The following ARHGEF7 variants were observed in gnomAD, a reference collection of about 807,000 sequenced individuals.
ARHGEF7 encodes the protein Rho guanine nucleotide exchange factor 7.
A neutral mutation model predicts 109.8 loss-of-function variants in ARHGEF7; 33 were observed. The observed-to-expected ratio is 0.30, with a 90% confidence interval of 0.23 to 0.40. ARHGEF7 has a LOEUF of 0.40. Ranked by LOEUF, ARHGEF7 falls within the 10% of genes least tolerant of loss-of-function variation. The pLI is 1.00. For missense variants in ARHGEF7, 938 were observed against 1,098.5 expected, an observed-to-expected ratio of 0.85 and a Z score of 2.07; for synonymous variants, 458 against 424.6, an observed-to-expected ratio of 1.08 and a Z score of -0.97.
At chr13:111,213,330 C>A (rs936257756) in intron 4 of ARHGEF7, among the ~76,000 whole-genome samples, 1 of 152,190 alleles carries the variant, frequency 6.6e-6, no homozygotes, top group Non-Finnish European at 1.5e-5. Flanking sequence ...ACTGTCTTCA[C>A]TCCCCTCCAG....
In ARHGEF7 at chr13:111,228,544, T is replaced by C. The variant is rs183566123; in HGVS notation, c.671-4661T>C. Among the ~76,000 whole-genome samples the C allele has an allele frequency of 1.3e-5, 2 of 152,266 alleles. No homozygotes were observed. Among genetic ancestry groups the C allele is most frequent in the Admixed American group, 1.3e-4 (2 of 15,298 alleles). On this transcript the variant is annotated intron_variant, in intron 5 of 21. Transcript: ENST00000646102. This position sits in a 1 kb window ranked among gnomAD's most constrained non-coding sequence, Gnocchi z 4.6. ...TCTATACGTGGTCATTCTCTGTATG[T>C]TTATGTATATTTTTAAGTTTCTAAA...
At chr13:111,298,421 A>G (rs2093473410) in intron 19 of ARHGEF7, among the ~76,000 whole-genome samples, 1 of 152,104 alleles carries the variant, frequency 6.6e-6, no homozygotes, top group Non-Finnish European at 1.5e-5. Flanking sequence ...GTGTCTCAGC[A>G]GCATTACCCG....
chr13:111,130,654 G>C (rs573659424), intron 1 of ARHGEF7, among the ~76,000 whole-genome samples: 8 of 152,236 alleles, frequency 5.3e-5, no homozygotes, highest in African/African-American at 1.7e-4. Context: ...ACTATTTAGT[G>C]GGGGAGAATA....
At chr13:111,206,283 G>T (rs891868464) in intron 3 of ARHGEF7, among the ~76,000 whole-genome samples, 31 of 151,938 alleles carry the variant, frequency 2.0e-4, no homozygotes, top group African/African-American at 6.5e-4. Context: ...CGGGGGTTAT[G>T]CATGCTTTGG....
chr13:111,200,409 A>T (rs1210465279), intron 2 of ARHGEF7, among the ~76,000 whole-genome samples: 1 of 150,914 alleles, frequency 6.6e-6, no homozygotes, highest in East Asian at 1.9e-4. Flanking sequence ...TTTTCTGTTC[A>T]GCCAGCTCTC....
intron 8 of ARHGEF7, among the ~76,000 whole-genome samples, chr13:111,263,599 C>G (rs772047144): frequency 6.6e-6 from 1 of 152,224 alleles, no homozygotes; most frequent in African/African-American, 2.4e-5. Context: ...CAATAACTTT[C>G]CTGTGCCACA....
rs1395023552 is a variant in ARHGEF7 at position 111,295,276 on chromosome 13, C to T, written c.2311+2982C>T. Reference sequence around the variant, plus strand: ...ATATAATTTGGCTCTTCTACCTGAACGGAACATCTTCCAAAGGCAGGCAGG... The same window carrying T: ...ATATAATTTGGCTCTTCTACCTGAATGGAACATCTTCCAAAGGCAGGCAGG... On this transcript the variant is annotated intron_variant, in intron 19 of 21. Coordinates refer to ENST00000646102, the MANE Select transcript of ARHGEF7 (RefSeq NM_001354046.2). 8 of 867,430 alleles carry T rather than the reference C, an allele frequency of 9.2e-6. No homozygotes were observed. The Admixed American group carries it at 1.9e-4, about 20-fold the overall frequency. 53.7% of individuals were successfully genotyped at this position (867,430 alleles called of 1,614,324 possible).
chr13:111,233,948 T>C (rs1431526153), intron 6 of ARHGEF7, among the ~76,000 whole-genome samples: 5 of 152,246 alleles, frequency 3.3e-5, no homozygotes, highest in Non-Finnish European at 7.3e-5. Context: ...AGCAATTGCA[T>C]GTTCTATAGA....
At chr13:111,283,664 C>T (rs994581556) in intron 16 of ARHGEF7, among the ~76,000 whole-genome samples, 1 of 152,214 alleles carries the variant, frequency 6.6e-6, no homozygotes, top group Non-Finnish European at 1.5e-5. Flanking sequence ...GCGCTGAGCC[C>T]AGGTGGCTTT....
chr13:111,246,785 A>G (rs1431474463), intron 8 of ARHGEF7, among the ~76,000 whole-genome samples: 4 of 152,218 alleles, frequency 2.6e-5, no homozygotes, highest in Non-Finnish European at 5.9e-5. Context: ...ATGGAAGTAA[A>G]TGCTTGCCTC....
intron 1 of ARHGEF7, among the ~76,000 whole-genome samples, chr13:111,134,730 C>T (rs1050211567): frequency 6.6e-6 from 1 of 152,012 alleles, no homozygotes; most frequent in Non-Finnish European, 1.5e-5. Context: ...AAATTTTCTT[C>T]CATTCTGTAG....
chr13:111,128,933 A>G (rs983896797), intron 1 of ARHGEF7, among the ~76,000 whole-genome samples: 3 of 152,246 alleles, frequency 2.0e-5, no homozygotes, highest in East Asian at 1.9e-4. Flanking sequence ...TTGAAATGGA[A>G]GAAGAGAGTT....
chr13:111,234,063 G>C (rs2086459891), intron 6 of ARHGEF7, among the ~76,000 whole-genome samples: 1 of 152,102 alleles, frequency 6.6e-6, no homozygotes, highest in Admixed American at 6.5e-5. Context: ...GAATTCTGGG[G>C]AAAATGCGCA....
chr13:111,181,325 G>A (rs1016094828), intron 2 of ARHGEF7, among the ~76,000 whole-genome samples: 1 of 152,134 alleles, frequency 6.6e-6, no homozygotes, highest in Non-Finnish European at 1.5e-5. Flanking sequence ...TCCCTTTGCT[G>A]AGAGAAGACC....
intron 2 of ARHGEF7, among the ~76,000 whole-genome samples, chr13:111,183,902 G>T (rs1224878099): frequency 1.3e-5 from 2 of 152,182 alleles, no homozygotes; most frequent in Admixed American, 6.5e-5. Flanking sequence ...CAGGACTTGT[G>T]GGGAAGGGTT....
intron 5 of ARHGEF7, among the ~76,000 whole-genome samples, chr13:111,230,113 C>A (rs1271312578): frequency 1.3e-5 from 2 of 152,108 alleles, no homozygotes; most frequent in Non-Finnish European, 2.9e-5. Flanking sequence ...GTCATCCCCT[C>A]TTTTTCTTTT....
At position 111,278,787 on chromosome 13, in the gene ARHGEF7, T is replaced by C. The variant is rs73622170; in HGVS notation, c.1506+1114T>C. Among the ~76,000 whole-genome samples the C allele has an allele frequency of 9.2e-3, 1,402 of 152,310 alleles. 20 individuals carry two copies. The highest frequency in any genetic ancestry group is 0.032 in the African/African-American group (1,341 of 41,568). ...GGCTTCCGATTTTATATCCCCAGAATCTCATTCCAGTGGCTGGAGGCAGGG... is the reference window on the plus strand; with the variant it reads ...GGCTTCCGATTTTATATCCCCAGAACCTCATTCCAGTGGCTGGAGGCAGGG... On this transcript the variant is annotated intron_variant, in intron 13 of 21. Coordinates refer to ENST00000646102, the MANE Select transcript of ARHGEF7 (RefSeq NM_001354046.2).
intron 2 of ARHGEF7, among the ~76,000 whole-genome samples, chr13:111,158,743 T>C (rs1443304942): frequency 6.6e-6 from 1 of 152,234 alleles, no homozygotes; most frequent in Non-Finnish European, 1.5e-5. Context: ...TGTTTTTAAA[T>C]TGACAAATAG....
intron 2 of ARHGEF7, among the ~76,000 whole-genome samples, chr13:111,154,710 T>G (rs1313645115): frequency 1.3e-5 from 2 of 152,222 alleles, no homozygotes; most frequent in African/African-American, 4.8e-5. Flanking sequence ...AATTTAACTC[T>G]TTCATTTTAT....
Sources: gnomAD v4.1 joint callset for allele counts (sites outside exome capture counted in the v4.1 genomes callset) on GRCh38, gnomAD v4.1.1 for gene constraint, Gnocchi (gnomAD v3.1) non-coding constraint, MANE v1.5 for transcripts, NCBI Gene and HGNC (gene_info 2026-07-23, HGNC 2026-07-21) for gene names.